SLCO1A2: variants seen among roughly 807,000 people sequenced by gnomAD.
SLCO1A2 encodes solute carrier organic anion transporter family member 1A2.
A neutral mutation model predicts 69.0 loss-of-function variants in SLCO1A2; 67 were observed. The observed-to-expected ratio is 0.97, with a 90% CI of 0.80 to 1.19. SLCO1A2 has a LOEUF of 1.19. Ranked by LOEUF, SLCO1A2 falls within the 50% of genes most tolerant of loss-of-function variation. SLCO1A2 has a pLI of 0.00. For synonymous variants in SLCO1A2, 260 were observed against 265.9 expected (o/e 0.98, Z 0.22); for missense variants, 787 against 793.7 (o/e 0.99, Z 0.10).
chr12:21,298,605 G>A (rs1009438678), intron 8 of SLCO1A2, among the ~76,000 whole-genome samples: 2 of 152,110 alleles, frequency 1.3e-5, no homozygotes, highest in African/African-American at 2.4e-5. Flanking sequence ...TTATATTTAT[G>A]AATAGGGTAC....
intron 1 of SLCO1A2, among the ~76,000 whole-genome samples, chr12:21,400,794 G>A (rs1456446035): frequency 1.2e-4 from 17 of 147,018 alleles, no homozygotes; most frequent in African/African-American, 2.8e-4. Flanking sequence ...ACCAAACACC[G>A]TATATTCTCA....
chr12:21,341,491 T>C (rs1953067399), intron 2 of SLCO1A2, among the ~76,000 whole-genome samples: 1 of 152,086 alleles, frequency 6.6e-6, no homozygotes, highest in Admixed American at 6.6e-5. Context: ...TGCTGTGTTC[T>C]TGACTACTTC....
intron 2 of SLCO1A2, among the ~76,000 whole-genome samples, chr12:21,348,672 A>G (rs760368169): frequency 1.3e-5 from 2 of 152,046 alleles, no homozygotes; most frequent in Non-Finnish European, 2.9e-5. Context: ...TTTCCATTGC[A>G]CTTTGAGCCA....
At chr12:21,284,401 C>T (rs1348500739) in intron 12 of SLCO1A2, among the ~76,000 whole-genome samples, 1 of 152,012 alleles carries the variant, frequency 6.6e-6, no homozygotes, top group East Asian at 1.9e-4. Context: ...CAGGCCAATA[C>T]TGATGGGAGA....
chr12:21,294,616 C>G (rs1947420336), intron 10 of SLCO1A2: 1 of 152,194 alleles, frequency 6.6e-6, no homozygotes, highest in African/African-American at 2.4e-5. Flanking sequence ...ACTTGCATAG[C>G]AGTTTAGAGA....
Position 21,269,446 on chromosome 12 carries a change from AAAGAC to A in SLCO1A2, c.*97_*101del. The A allele has an allele frequency of 2.6e-6, 2 of 783,126 alleles. No individual in the cohort carries two copies. Among genetic ancestry groups the A allele is most frequent in the Admixed American group, 2.9e-5 (1 of 34,564 alleles). 48.5% of individuals were successfully genotyped at this position (783,126 alleles called of 1,614,324 possible). A position where few individuals can be genotyped will look rare whatever the true frequency, so the allele number is the denominator to read the frequency against. ...GAGTTAAGAGGTTTTTTAGGTTCTTAAAGACAAGAAAAAGTTATCTATTATATCTC... is the reference window on the plus strand; with the variant it reads ...GAGTTAAGAGGTTTTTTAGGTTCTTAAAGAAAAAGTTATCTATTATATCTC... On this transcript the variant is annotated 3_prime_UTR_variant, in exon 15 of 15. Coordinates refer to ENST00000683939, the MANE Select transcript of SLCO1A2 (RefSeq NM_001386879.1).
Position 21,265,892 on chromosome 12 carries a change from A to T in SLCO1A2, c.*3656T>A, listed in dbSNP as rs1942019702. ...ATTCTGTCAATTTCTATATTTTCTT[A>T]TATAGAAATCATACTCTTTTAACAT... On this transcript the variant is annotated 3_prime_UTR_variant, in exon 15 of 15. Coordinates refer to ENST00000683939, the MANE Select transcript of SLCO1A2 (RefSeq NM_001386879.1). The T allele has an allele frequency of 6.6e-6, 1 of 152,136 alleles. No homozygotes were observed. Among genetic ancestry groups the T allele is most frequent in the African/African-American group, 2.4e-5 (1 of 41,426 alleles). The allele number at this position is 152,136 out of a possible 1,614,324, so 9.4% of individuals were successfully genotyped here.
intron 14 of SLCO1A2, among the ~76,000 whole-genome samples, chr12:21,272,802 T>C (rs1943116498): frequency 1.3e-5 from 2 of 152,190 alleles, no homozygotes; most frequent in Admixed American, 6.6e-5. Flanking sequence ...GTGGGGTTTT[T>C]TCTTATGAAT....
chr12:21,356,665 T>G (rs1472391141), intron 2 of SLCO1A2, among the ~76,000 whole-genome samples: 2 of 152,132 alleles, frequency 1.3e-5, no homozygotes, highest in Non-Finnish European at 2.9e-5. Context: ...TACATTTCTA[T>G]GCACCCAATG....
chr12:21,305,257 T>A (rs1266951845), intron 5 of SLCO1A2, among the ~76,000 whole-genome samples: 1 of 152,160 alleles, frequency 6.6e-6, no homozygotes, highest in Non-Finnish European at 1.5e-5. Flanking sequence ...CTGAGAAAGA[T>A]AGGGAGATCT....
chr12:21,373,744 C>CCACTGGTG, intron 2 of SLCO1A2: 1 of 700,508 alleles, frequency 1.4e-6, no homozygotes, highest in Non-Finnish European at 2.6e-6. Flanking sequence ...GTAGTAATTT[C>CCACTGGTG]TTCTATATTA....
chr12:21,413,507 G>A (rs1941945220), intron 1 of SLCO1A2, among the ~76,000 whole-genome samples: 1 of 152,102 alleles, frequency 6.6e-6, no homozygotes, highest in South Asian at 2.1e-4. Flanking sequence ...CTCCCAAAGC[G>A]TGGCAGTCCA....
rs3830207 is a variant in SLCO1A2, at chr12:21,274,525, T to TC, written c.1736dup (p.Thr580AsnfsTer6). ...CCCCTGACTCACCACATTTCAAAGT[T>TC]CCCCAGTGTAAACATGTGGAATCCA... On this transcript the variant is annotated frameshift_variant, in exon 14 of 15. Coordinates refer to ENST00000683939, the MANE Select transcript of SLCO1A2 (RefSeq NM_001386879.1). LOFTEE classifies it high-confidence loss of function. 53 of 1,613,674 alleles carry TC rather than the reference T, an allele frequency of 3.3e-5. No homozygotes were observed. The East Asian group carries it at 1.0e-3, about 32-fold the overall frequency.
chr12:21,371,565 T>C (rs1188550895), intron 2 of SLCO1A2, among the ~76,000 whole-genome samples: 1 of 152,200 alleles, frequency 6.6e-6, no homozygotes, highest in African/African-American at 2.4e-5. Context: ...ATGAAATCAA[T>C]GAACTAATGT....
chr12:21,415,686 C>T (rs916010314), intron 1 of SLCO1A2, among the ~76,000 whole-genome samples: 2 of 151,970 alleles, frequency 1.3e-5, no homozygotes, highest in African/African-American at 2.4e-5. Context: ...TTTTTATTCT[C>T]TTGGGAAGTT....
In SLCO1A2 at chr12:21,295,579, C is replaced by T; in HGVS notation, c.1271+18G>A. On this transcript the variant is annotated intron_variant, in intron 10 of 14. Coordinates refer to ENST00000683939, the MANE Select transcript of SLCO1A2 (RefSeq NM_001386879.1). ...CCATTTGTTGAAAGATTCTCACATT[C>T]ATTAGAAAACAACATACCCTTCATA... is the stretch of plus-strand genomic sequence containing the variant. 6.9e-7 allele frequency: 1 copy of T among 1,450,832 alleles called. No homozygotes were observed. The highest frequency in any genetic ancestry group is 9.6e-7 in the Non-Finnish European group (1 of 1,043,746). The allele number at this position is 1,450,832 out of a possible 1,614,324, so 89.9% of individuals were successfully genotyped here. A position where few individuals can be genotyped will look rare whatever the true frequency, so the allele number is the denominator to read the frequency against.
chr12:21,299,770 G>GTATATATATA (rs749456623), intron 8 of SLCO1A2, among the ~76,000 whole-genome samples: 16 of 129,716 alleles, frequency 1.2e-4, no homozygotes, highest in African/African-American at 3.4e-4. Flanking sequence ...ATATACGTGT[G>GTATATATATA]TATATATATA....
rs1228418918 is a variant in SLCO1A2 at position 21,267,444 on chromosome 12, C to G, written c.*2104G>C. The G allele has an allele frequency of 6.6e-6, 1 of 152,134 alleles. No individual in the cohort carries two copies. The highest frequency in any genetic ancestry group is 2.4e-5 in the African/African-American group (1 of 41,428). The allele number at this position is 152,134 out of a possible 1,614,324, so 9.4% of individuals were successfully genotyped here. ...TCCACGACAAGAGGTCATCAGGGAGCCCAGTCACCACCTCGCCTAATTTTG... is the reference window on the plus strand; with the variant it reads ...TCCACGACAAGAGGTCATCAGGGAGGCCAGTCACCACCTCGCCTAATTTTG... On this transcript the variant is annotated 3_prime_UTR_variant, in exon 15 of 15. Transcript: ENST00000683939.
intron 1 of SLCO1A2, among the ~76,000 whole-genome samples, chr12:21,400,900 A>G: frequency 8.4e-6 from 1 of 119,468 alleles, no homozygotes. Flanking sequence ...GGGGGGAGGG[A>G]TAGCATCGGG....
Sources: allele counts gnomAD v4.1 joint callset (sites outside exome capture counted in the v4.1 genomes callset), GRCh38; gene constraint gnomAD v4.1.1; transcripts MANE v1.5; gene names NCBI Gene and HGNC (gene_info 2026-07-23, HGNC 2026-07-21).